The following CHODL variants were observed in gnomAD, a reference collection of about 807,000 sequenced individuals.
CHODL encodes transmembrane protein MT75.
A neutral mutation model predicts 34.5 loss-of-function variants in CHODL; 29 were observed. The ratio of observed to expected loss-of-function variants is 0.84; its 90% CI spans 0.63 to 1.15. CHODL has a LOEUF of 1.15. Among genes scored for constraint, CHODL ranks in the 50% most tolerant of loss-of-function variants. CHODL has a pLI of 0.00. For synonymous variants in CHODL, 125 were observed against 116.1 expected, an observed-to-expected ratio of 1.08 and a Z score of -0.49; for missense variants, 332 against 332.5, an observed-to-expected ratio of 1.00 and a Z score of 0.01.
intron 2 of CHODL, among the ~76,000 whole-genome samples, chr21:18,182,863 T>C (rs2073397810): frequency 6.6e-6 from 1 of 152,174 alleles, no homozygotes; most frequent in Non-Finnish European, 1.5e-5. Context: ...GTATTCTGGG[T>C]GCTGCTGCCT....
intron 1 of CHODL, among the ~76,000 whole-genome samples, chr21:17,982,520 A>G (rs1048330280): frequency 2.6e-5 from 4 of 151,846 alleles, no homozygotes; most frequent in African/African-American, 9.7e-5. Context: ...CCCATGAAAA[A>G]TTATTTTATT....
chr21:18,081,025 A>T (rs973842964), intron 2 of CHODL, among the ~76,000 whole-genome samples: 1 of 152,106 alleles, frequency 6.6e-6, no homozygotes, highest in African/African-American at 2.4e-5. Context: ...CTAGTGTTTT[A>T]TAGTTCTCCT....
At chr21:18,260,924 T>G (rs1281940340) in intron 4 of CHODL, among the ~76,000 whole-genome samples, 1 of 152,148 alleles carries the variant, frequency 6.6e-6, no homozygotes, top group East Asian at 1.9e-4. Flanking sequence ...GGCGTCATGA[T>G]GCAAATTGGC....
chr21:18,205,673 T>C (rs2073703494), intron 2 of CHODL, among the ~76,000 whole-genome samples: 1 of 152,042 alleles, frequency 6.6e-6, no homozygotes, highest in African/African-American at 2.4e-5. Context: ...CATCATTTGT[T>C]TTAAGAATTT....
At chr21:18,101,375 T>C (rs903534051) in intron 2 of CHODL, among the ~76,000 whole-genome samples, 5 of 152,152 alleles carry the variant, frequency 3.3e-5, no homozygotes, top group African/African-American at 1.2e-4. Flanking sequence ...CCAATACAAA[T>C]AGTAAATCTT....
At chr21:18,190,546 A>G (rs1284217980) in intron 2 of CHODL, among the ~76,000 whole-genome samples, 2 of 152,212 alleles carry the variant, frequency 1.3e-5, no homozygotes, top group Admixed American at 1.3e-4. Context: ...TGTCTTACTC[A>G]GTAAAAAGGC....
At chr21:17,932,409 G>T (rs2063281403) in intron 1 of CHODL, among the ~76,000 whole-genome samples, 1 of 152,188 alleles carries the variant, frequency 6.6e-6, no homozygotes, top group African/African-American at 2.4e-5. Flanking sequence ...ATTTCTCAAA[G>T]AACTGAAAGT....
intron 1 of CHODL, among the ~76,000 whole-genome samples, chr21:18,250,322 T>TAAAA (rs146077538): frequency 6.6e-6 from 1 of 151,932 alleles, no homozygotes; most frequent in African/African-American, 2.4e-5. Context: ...TCTGATTTTT[T>TAAAA]AAAAAAATAG....
intron 2 of CHODL, among the ~76,000 whole-genome samples, chr21:18,161,195 ATTTG>A (rs1413818958): frequency 1.3e-5 from 2 of 151,898 alleles, no homozygotes; most frequent in African/African-American, 4.8e-5. Context: ...TTTTTGGTAA[ATTTG>A]TTTAAGTTCC....
At chr21:18,058,067 T>G (rs567189772) in intron 2 of CHODL, among the ~76,000 whole-genome samples, 2 of 152,276 alleles carry the variant, frequency 1.3e-5, no homozygotes, top group South Asian at 2.1e-4. Flanking sequence ...ACACTAGAAC[T>G]TATTCCTCCT....
At chr21:18,084,855 A>G (rs1475673676) in intron 2 of CHODL, among the ~76,000 whole-genome samples, 2 of 151,646 alleles carry the variant, frequency 1.3e-5, no homozygotes, top group East Asian at 3.9e-4. Flanking sequence ...GTCTAGTGCT[A>G]TGAGAGAGGT....
chr21:18,010,371 C>G (rs1272343555), intron 1 of CHODL, among the ~76,000 whole-genome samples: 1 of 150,936 alleles, frequency 6.6e-6, no homozygotes. Flanking sequence ...GGAAAGTCTC[C>G]TGGTGGGTCA....
intron 1 of CHODL, among the ~76,000 whole-genome samples, chr21:18,009,891 A>AAAAAAAAAT (rs2063997457): frequency 6.7e-6 from 1 of 150,322 alleles, no homozygotes; most frequent in Non-Finnish European, 1.5e-5. Context: ...CCGTCTCAAA[A>AAAAAAAAAT]AAAAAAAAAT....
chr21:18,073,240 A>T (rs2064826844), intron 2 of CHODL, among the ~76,000 whole-genome samples: 1 of 152,184 alleles, frequency 6.6e-6, no homozygotes, highest in South Asian at 2.1e-4. Flanking sequence ...GTACTAGCTT[A>T]AAAGTTTTTA....
In CHODL at chr21:17,955,345, T is replaced by G. The variant is rs1008009036; in HGVS notation, c.-145+37945T>G. ...CTCCTATTGTCCATTTCTGAAAAAG[T>G]TTTCCTGAGAAAAACCCTGACTTCT... On this transcript the variant is annotated intron_variant, in intron 1 of 6. Coordinates refer to the CHODL transcript ENST00000400127. 3.6e-5 allele frequency among the ~76,000 whole-genome samples: 5 copies of G among 137,336 alleles called. 1 individual carries two copies. Among genetic ancestry groups the G allele is most frequent in the Non-Finnish European group, 8.3e-5 (5 of 60,352 alleles). The allele number at this position is 137,336 out of a possible 152,430, so 90.1% of individuals were successfully genotyped here. A position where few individuals can be genotyped will look rare whatever the true frequency, so the allele number is the denominator to read the frequency against.
At chr21:17,972,011 G>T (rs937368808) in intron 1 of CHODL, among the ~76,000 whole-genome samples, 9 of 152,108 alleles carry the variant, frequency 5.9e-5, no homozygotes, top group Non-Finnish European at 1.3e-4. Flanking sequence ...TTCAACACGT[G>T]CAAATCAAGA....
intron 1 of CHODL, among the ~76,000 whole-genome samples, chr21:18,019,411 C>T (rs1013426490): frequency 6.3e-4 from 93 of 147,980 alleles, no homozygotes; most frequent in African/African-American, 2.2e-3. Context: ...TTTGATAGCA[C>T]AATAGAGAGA....
chr21:18,013,404 T>TG (rs1299104614), intron 1 of CHODL, among the ~76,000 whole-genome samples: 1 of 150,038 alleles, frequency 6.7e-6, no homozygotes, highest in Non-Finnish European at 1.5e-5. Context: ...GTGCTGCCAT[T>TG]TGGTCATATA....
chr21:17,988,566 A>C (rs1373810980), intron 1 of CHODL, among the ~76,000 whole-genome samples: 1 of 77,430 alleles, frequency 1.3e-5, no homozygotes, highest in Non-Finnish European at 2.3e-5. Flanking sequence ...ACCCCACAAC[A>C]GTCCCCAGAG....
Sources: gnomAD v4.1 joint callset for allele counts (sites outside exome capture counted in the v4.1 genomes callset) on GRCh38, gnomAD v4.1.1 for gene constraint, MANE v1.5 for transcripts, NCBI Gene and HGNC (gene_info 2026-07-23, HGNC 2026-07-21) for gene names.